Variants in NR3C2 observed in about 807,000 individuals in gnomAD.
The protein encoded by NR3C2 is mineralocorticoid receptor.
A neutral mutation model predicts 86.4 loss-of-function variants in NR3C2; 15 were observed. The observed-to-expected ratio is 0.17, with a 90% CI of 0.12 to 0.27. The LOEUF is 0.27. Among genes scored for constraint, NR3C2 ranks in the 10% least tolerant of loss-of-function variants. The pLI, the probability that NR3C2 is intolerant of heterozygous loss-of-function variation, is 1.00. For synonymous variants in NR3C2, 458 were observed against 450.5 expected, an observed-to-expected ratio of 1.02 and a Z score of -0.21; for missense variants, 960 against 1,195.6, an observed-to-expected ratio of 0.80 and a Z score of 2.91.
rs1442298154 is a variant in NR3C2, at chr4:148,436,166, C to T, written c.695G>A (p.Gly232Glu). The T allele has an allele frequency of 1.2e-6, 2 of 1,614,094 alleles. No homozygotes were observed. The highest frequency in any genetic ancestry group is 8.5e-7 in the Non-Finnish European group (1 of 1,180,024). Residue 232 changes from glycine (G) to glutamate (E), a missense_variant, in exon 2 of 9, where the codon GGA (glycine) becomes GAA (glutamate). Coordinates refer to ENST00000358102, the MANE Select transcript of NR3C2 (RefSeq NM_000901.5). Reference sequence around the variant, plus strand: ...ATTAGGGGAGCATGTCAGAGGAGTTCCCTGGGTGATTGGGCTGTGCACTGG... The same window carrying T: ...ATTAGGGGAGCATGTCAGAGGAGTTTCCTGGGTGATTGGGCTGTGCACTGG... ...SFPVHSPITQGTPLTCSPNVE... is the reference protein window; with the variant it reads ...SFPVHSPITQETPLTCSPNVE...
At chr4:148,327,835 C>T (rs959576457) in intron 2 of NR3C2, among the ~76,000 whole-genome samples, 5 of 152,190 alleles carry the variant, frequency 3.3e-5, no homozygotes, top group African/African-American at 1.2e-4. Flanking sequence ...TATATCTGCC[C>T]TCTCACATAC....
At chr4:148,144,329 C>T (rs1236229233) in intron 6 of NR3C2, among the ~76,000 whole-genome samples, 1 of 152,132 alleles carries the variant, frequency 6.6e-6, no homozygotes, top group Non-Finnish European at 1.5e-5. Flanking sequence ...CTCAGCCTCC[C>T]AAGTAGCTGG....
intron 2 of NR3C2, among the ~76,000 whole-genome samples, chr4:148,267,218 T>C (rs184721766): frequency 6.6e-6 from 1 of 152,318 alleles, no homozygotes; most frequent in Non-Finnish European, 1.5e-5. Context: ...GTCTGACAAA[T>C]AGTGTTATTT....
At chr4:148,334,263 C>T (rs1337416763) in intron 2 of NR3C2, among the ~76,000 whole-genome samples, 4 of 152,198 alleles carry the variant, frequency 2.6e-5, no homozygotes, top group Non-Finnish European at 5.9e-5. Flanking sequence ...CACAAATGGA[C>T]CAGGCGCGGT....
intron 2 of NR3C2, among the ~76,000 whole-genome samples, chr4:148,366,715 C>T (rs1486877689): frequency 6.6e-6 from 1 of 152,094 alleles, no homozygotes; most frequent in East Asian, 1.9e-4. Context: ...TCTTTCCCCA[C>T]ATACTTAAAT....
At chr4:148,402,748 T>C (rs1386637067) in intron 2 of NR3C2, among the ~76,000 whole-genome samples, 1 of 152,178 alleles carries the variant, frequency 6.6e-6, no homozygotes, top group African/African-American at 2.4e-5. Context: ...AATGCCTCAA[T>C]TTTATTTAAA....
chr4:148,186,071 T>A (rs61293113), intron 4 of NR3C2, among the ~76,000 whole-genome samples: 15,983 of 152,198 alleles, frequency 0.11, 1,019 homozygotes, highest in South Asian at 0.21. Flanking sequence ...ACCAATTTAT[T>A]CTCCCACCTG....
At chr4:148,271,419 C>T (rs1169310181) in intron 2 of NR3C2, among the ~76,000 whole-genome samples, 12 of 150,496 alleles carry the variant, frequency 8.0e-5, no homozygotes, top group Admixed American at 3.3e-4. Context: ...CTTTGACTTC[C>T]TCCCTCCACA....
chr4:148,221,960 C>A (rs1217715383), intron 3 of NR3C2, among the ~76,000 whole-genome samples: 2 of 149,208 alleles, frequency 1.3e-5, no homozygotes, highest in Admixed American at 6.7e-5. Context: ...ATTATAGTAA[C>A]CTAACTTATA....
intron 4 of NR3C2, among the ~76,000 whole-genome samples, chr4:148,188,928 T>TTTC: frequency 9.8e-6 from 1 of 102,068 alleles, no homozygotes; most frequent in African/African-American, 3.8e-5. Context: ...TTTTGCTGAG[T>TTTC]TTTTTTTTTT....
At chr4:148,113,734 T>C (rs1025923281) in intron 8 of NR3C2, among the ~76,000 whole-genome samples, 5 of 152,172 alleles carry the variant, frequency 3.3e-5, no homozygotes, top group South Asian at 2.1e-4. Context: ...TCCTAATCTA[T>C]AGAGGACATC....
chr4:148,181,016 G>A (rs758607790), intron 4 of NR3C2, among the ~76,000 whole-genome samples: 16 of 152,008 alleles, frequency 1.1e-4, no homozygotes, highest in Non-Finnish European at 1.8e-4. Context: ...GATCCTTCTC[G>A]CTTTTCCTGT....
chr4:148,171,064 T>A (rs1228204474), intron 4 of NR3C2, among the ~76,000 whole-genome samples: 1 of 152,210 alleles, frequency 6.6e-6, no homozygotes, highest in Non-Finnish European at 1.5e-5. Context: ...ACAGGCTTCC[T>A]TACTAGCCAT....
intron 2 of NR3C2, among the ~76,000 whole-genome samples, chr4:148,296,277 G>T (rs990849243): frequency 5.9e-5 from 9 of 151,616 alleles, no homozygotes; most frequent in Non-Finnish European, 1.2e-4. Context: ...CATCACTTAA[G>T]GATGGTACCA....
At chr4:148,313,433 A>G (rs1743002901) in intron 2 of NR3C2, among the ~76,000 whole-genome samples, 1 of 152,206 alleles carries the variant, frequency 6.6e-6, no homozygotes, top group African/African-American at 2.4e-5. Context: ...CCTTTTATCA[A>G]TTGAAAAATC....
chr4:148,242,627 T>C (rs1739113498), intron 3 of NR3C2, among the ~76,000 whole-genome samples: 2 of 152,218 alleles, frequency 1.3e-5, no homozygotes, highest in African/African-American at 4.8e-5. Context: ...GATAGACATT[T>C]TCTCTTTCTT....
At chr4:148,139,234 G>A (rs907163225) in intron 6 of NR3C2, among the ~76,000 whole-genome samples, 4 of 152,152 alleles carry the variant, frequency 2.6e-5, no homozygotes, top group African/African-American at 4.8e-5. Context: ...AAAGGTAGAA[G>A]CCTTATGTAG....
chr4:148,323,417 C>A (rs1743749313), intron 2 of NR3C2, among the ~76,000 whole-genome samples: 1 of 146,530 alleles, frequency 6.8e-6, no homozygotes, highest in Non-Finnish European at 1.5e-5. Context: ...CCAGTTCGAG[C>A]TTCCTGGCTG....
intron 2 of NR3C2, among the ~76,000 whole-genome samples, chr4:148,383,634 A>G (rs922922380): frequency 1.3e-5 from 2 of 152,194 alleles, no homozygotes; most frequent in Non-Finnish European, 2.9e-5. Context: ...CCAAGGACAC[A>G]GTTTAACTTC....
Sources: gnomAD v4.1 joint callset for allele counts (sites outside exome capture counted in the v4.1 genomes callset) on GRCh38, gnomAD v4.1.1 for gene constraint, MANE v1.5 for transcripts, NCBI Gene and HGNC (gene_info 2026-07-23, HGNC 2026-07-21) for gene names.